The following HDAC8 variants were observed in gnomAD, a reference collection of about 807,000 sequenced individuals.
The protein encoded by HDAC8 is histone deacetylase-like 1.
Under a neutral mutation model 32.2 loss-of-function variants are expected in HDAC8, and 1 was observed. That is an observed-to-expected ratio of 0.03 (90% CI 0.01 to 0.15). The LOEUF (loss-of-function observed/expected upper bound fraction) is 0.15, where lower values mean the gene tolerates loss of function less well. HDAC8 is among the 10% of genes least tolerant of loss of function. The pLI, the probability that HDAC8 is intolerant of heterozygous loss-of-function variation, is 1.00. For missense variants in HDAC8, 117 were observed against 300.0 expected (o/e 0.39, Z 4.51); for synonymous variants, 108 against 113.9 (o/e 0.95, Z 0.33).
chrX:72,441,916 A>G (rs1328919393), intron 9 of HDAC8, among the ~76,000 whole-genome samples: 35 of 112,135 alleles, frequency 3.1e-4, no homozygotes, highest in African/African-American at 1.1e-3. Flanking sequence ...GATGCGATCA[A>G]CTGGAAGAAA....
intron 4 of HDAC8, among the ~76,000 whole-genome samples, chrX:72,538,310 A>G (rs1383097611): frequency 3.7e-5 from 4 of 108,657 alleles, no homozygotes; most frequent in Non-Finnish European, 7.6e-5. Flanking sequence ...CAACCTCCCG[A>G]GTAGCTGGGA....
At chrX:72,497,895 T>A (rs1202213887) in intron 4 of HDAC8, among the ~76,000 whole-genome samples, 2 of 111,646 alleles carry the variant, frequency 1.8e-5, no homozygotes, top group African/African-American at 6.5e-5. Context: ...TATAATTTTG[T>A]ATGCTTTTGC....
At chrX:72,472,697 G>C (rs1409487243) in intron 7 of HDAC8, among the ~76,000 whole-genome samples, 9 of 111,747 alleles carry the variant, frequency 8.1e-5, no homozygotes, top group African/African-American at 2.9e-4. Flanking sequence ...ATGTCAATTT[G>C]TGAAGAGAAG....
intron 4 of HDAC8, among the ~76,000 whole-genome samples, chrX:72,543,541 T>C (rs2050772066): frequency 9.0e-6 from 1 of 111,542 alleles, no homozygotes; most frequent in Admixed American, 9.4e-5. Context: ...ATAGAGTTCA[T>C]TGGGACAATG....
At chrX:72,433,851 C>T (rs782705486) in intron 9 of HDAC8, among the ~76,000 whole-genome samples, 1 of 112,206 alleles carries the variant, frequency 8.9e-6, no homozygotes, top group African/African-American at 3.2e-5. Flanking sequence ...TCCTGGTTGT[C>T]AGGATTATAC....
At chrX:72,563,055 T>C (rs1020258243) in intron 4 of HDAC8, among the ~76,000 whole-genome samples, 1 of 109,286 alleles carries the variant, frequency 9.2e-6, no homozygotes, top group Non-Finnish European at 1.9e-5. Context: ...CTAATTTTTG[T>C]ATTTTTAGTA....
At chrX:72,505,640 T>A (rs781918872) in intron 4 of HDAC8, among the ~76,000 whole-genome samples, 25 of 110,902 alleles carry the variant, frequency 2.3e-4, no homozygotes, top group African/African-American at 7.9e-4. Context: ...CAAAAAGTTT[T>A]AAAAATTAGC....
chrX:72,428,343 C>T (rs1223821710), intron 9 of HDAC8, among the ~76,000 whole-genome samples: 4 of 112,390 alleles, frequency 3.6e-5, no homozygotes, highest in Non-Finnish European at 7.5e-5. Flanking sequence ...CCGCCTGCCT[C>T]GGCCTCCCAA....
chrX:72,370,809 G>T (rs1454093735), intron 9 of HDAC8, among the ~76,000 whole-genome samples: 2 of 112,109 alleles, frequency 1.8e-5, no homozygotes, highest in Non-Finnish European at 3.8e-5. Context: ...AAAGATGTAG[G>T]CTGGGACGCT....
At chrX:72,468,719 A>G (rs2048085995) in intron 7 of HDAC8, among the ~76,000 whole-genome samples, 1 of 111,830 alleles carries the variant, frequency 8.9e-6, no homozygotes, top group African/African-American at 3.3e-5. Context: ...GAAATAAGCA[A>G]TACTCAGGAA....
At chrX:72,345,442 G>A (rs782161812) in intron 10 of HDAC8, among the ~76,000 whole-genome samples, 8 of 110,890 alleles carry the variant, frequency 7.2e-5, no homozygotes, top group African/African-American at 2.6e-4. Context: ...CAATGTCTTC[G>A]GGTGCCAGTC....
intron 9 of HDAC8, among the ~76,000 whole-genome samples, chrX:72,355,458 G>A (rs781915054): frequency 1.8e-5 from 2 of 111,531 alleles, no homozygotes; most frequent in Admixed American, 9.5e-5. Flanking sequence ...TTGCTTTCTG[G>A]GCTTCAGTTT....
chrX:72,523,631 C>T (rs1556030025), intron 4 of HDAC8, among the ~76,000 whole-genome samples: 1 of 111,521 alleles, frequency 9.0e-6, no homozygotes, highest in East Asian at 2.8e-4. Flanking sequence ...CCTCAGTGAT[C>T]CCATCCACTC....
chrX:72,532,729 ATTG>A (rs782208545), intron 4 of HDAC8, among the ~76,000 whole-genome samples: 18 of 110,463 alleles, frequency 1.6e-4, no homozygotes, highest in Non-Finnish European at 2.5e-4. Flanking sequence ...TGCTCTTTTT[ATTG>A]TTAAGTTGCA....
At chrX:72,558,601 T>C (rs1332184880) in intron 4 of HDAC8, among the ~76,000 whole-genome samples, 1 of 111,281 alleles carries the variant, frequency 9.0e-6, no homozygotes, top group African/African-American at 3.3e-5. Flanking sequence ...TAATAAAAGG[T>C]AATAATCTAC....
chrX:72,329,803 T>C lies in HDAC8; in HGVS notation c.*251A>G. 1 of 1,083,328 alleles carries C rather than the reference T, an allele frequency of 9.2e-7. No individual in the cohort carries two copies. The highest frequency in any genetic ancestry group is 1.2e-6 in the Non-Finnish European group (1 of 801,090). 89.3% of individuals were successfully genotyped at this position (1,083,328 alleles called of 1,213,427 possible). A position where few individuals can be genotyped will look rare whatever the true frequency, so the allele number is the denominator to read the frequency against. On this transcript the variant is annotated 3_prime_UTR_variant, in exon 11 of 11. Transcript: ENST00000373573. Reference sequence around the variant, plus strand: ...ATTAAAAATTTCATTTGTGTGTGTGTGTTTTTTTAAATAAGAACTTTAAAT... The same window carrying C: ...ATTAAAAATTTCATTTGTGTGTGTGCGTTTTTTTAAATAAGAACTTTAAAT...
chrX:72,375,104 G>A (rs782229875), intron 9 of HDAC8, among the ~76,000 whole-genome samples: 20 of 112,020 alleles, frequency 1.8e-4, no homozygotes, highest in Non-Finnish European at 3.4e-4. Flanking sequence ...GATTATAGGC[G>A]TGAGCCACTG....
intron 8 of HDAC8, among the ~76,000 whole-genome samples, chrX:72,464,189 T>C (rs1380161690): frequency 2.7e-5 from 3 of 111,732 alleles, no homozygotes; most frequent in Non-Finnish European, 5.6e-5. Flanking sequence ...AGTGACATGT[T>C]CCCAAAAGAT....
intron 9 of HDAC8, among the ~76,000 whole-genome samples, chrX:72,394,544 G>A (rs1555965020): frequency 8.9e-6 from 1 of 112,205 alleles, no homozygotes; most frequent in Non-Finnish European, 1.9e-5. Flanking sequence ...GATAGGCAGC[G>A]TACACTCCTA....
Sources: gnomAD v4.1 joint callset for allele counts (sites outside exome capture counted in the v4.1 genomes callset) on GRCh38, gnomAD v4.1.1 for gene constraint, MANE v1.5 for transcripts, NCBI Gene and HGNC (gene_info 2026-07-23, HGNC 2026-07-21) for gene names.